NECAB2: variants seen among roughly 807,000 people sequenced by gnomAD.
The protein encoded by NECAB2 is N-terminal EF-hand calcium-binding protein 2.
NECAB2 carries 68 observed loss-of-function variants against 51.9 expected under a neutral mutation model. That is an observed-to-expected ratio of 1.31 (90% CI 1.08 to 1.60). The LOEUF is 1.60. Among genes scored for constraint, NECAB2 ranks in the 40% most tolerant of loss-of-function variants. NECAB2 has a pLI of 0.00. For synonymous variants in NECAB2, 329 were observed against 203.5 expected (o/e 1.62, Z -5.25); for missense variants, 854 against 490.3 (o/e 1.74, Z -7.00).
upstream of NECAB2, among the ~76,000 whole-genome samples, chr16:83,967,598 G>T (rs1414222632): frequency 7.0e-6 from 1 of 143,270 alleles, no homozygotes; most frequent in African/African-American, 2.6e-5. Flanking sequence ...GTGTGTAGGT[G>T]GGTGGATGGA....
chr16:83,981,014 G>C lies in NECAB2; in HGVS notation c.362-16G>C. On this transcript the variant is annotated splice_polypyrimidine_tract_variant and intron_variant, in intron 4 of 12. Transcript: ENST00000305202. ...GCAGGACCTGTGACCCCTGACCTTT[G>C]CCTTTCCTTCCCCAGATTACTTTGT... 1.9e-6 allele frequency: 3 copies of C among 1,613,196 alleles called. No individual in the cohort carries two copies. Among genetic ancestry groups the C allele is most frequent in the Middle Eastern group, 1.6e-4 (1 of 6,062 alleles).
chr16:83,978,883 C>T (rs567262450), intron 3 of NECAB2, among the ~76,000 whole-genome samples: 2 of 152,228 alleles, frequency 1.3e-5, no homozygotes, highest in South Asian at 4.2e-4. Context: ...GCAGCCAGTT[C>T]TCACCCCAAC....
chr16:83,998,901 A>G (rs1310724461), intron 10 of NECAB2, among the ~76,000 whole-genome samples: 1 of 152,188 alleles, frequency 6.6e-6, no homozygotes, highest in African/African-American at 2.4e-5. Flanking sequence ...GGTAAAGCTA[A>G]GGCATGTGGC....
intron 2 of NECAB2, among the ~76,000 whole-genome samples, chr16:83,973,598 A>G (rs1186675587): frequency 1.3e-5 from 2 of 152,024 alleles, no homozygotes; most frequent in Non-Finnish European, 2.9e-5. Context: ...AGGAGGGGAA[A>G]TCAGGGGGCT....
chr16:83,990,724 G>T, intron 6 of NECAB2, 94 bp downstream of exon 6: 1 of 1,516,742 alleles, frequency 6.6e-7, no homozygotes, highest in South Asian at 1.3e-5. Context: ...GTGTACCTAA[G>T]AGCTGGGTGA....
At chr16:83,973,271 G>A (rs2084368503) in intron 2 of NECAB2, among the ~76,000 whole-genome samples, 1 of 152,152 alleles carries the variant, frequency 6.6e-6, no homozygotes, top group South Asian at 2.1e-4. Context: ...TCTGGCCTGG[G>A]TCTCCAGCAC....
rs74937228 is a variant in NECAB2 at position 83,990,457 on chromosome 16, C to A, written c.460-37C>A. ...ACCCCACCTCCAATTTCCCTCCCAC[C>A]CCTTTCCCCTCAGTGCCTCTTCTCT... is the stretch of plus-strand genomic sequence containing the variant. On this transcript the variant is annotated intron_variant, in intron 5 of 12. Coordinates refer to ENST00000305202, the MANE Select transcript of NECAB2 (RefSeq NM_019065.3). The A allele has an allele frequency of 9.8e-4, 1,584 of 1,609,132 alleles. 23 individuals are homozygous for A. The African/African-American group carries it at 0.019, about 19-fold the overall frequency.
chr16:83,999,719 G>C (rs116669805), intron 10 of NECAB2, among the ~76,000 whole-genome samples: 2 of 152,178 alleles, frequency 1.3e-5, no homozygotes, highest in African/African-American at 4.8e-5. Context: ...ATAGAGCAAT[G>C]GGGGACTTGC....
At position 83,997,279 on chromosome 16, in the gene NECAB2, C is replaced by T. The variant is rs201360262; in HGVS notation, c.849+10C>T. On this transcript the variant is annotated intron_variant, in intron 9 of 12. Coordinates refer to ENST00000305202, the MANE Select transcript of NECAB2 (RefSeq NM_019065.3). ...AGATGGCACCAACATGGTGAGGCCC[C>T]TTCCCACCTCTCTTCTGGGACCACA... The T allele has an allele frequency of 8.6e-5, 138 of 1,613,962 alleles. No homozygotes were observed. In the Middle Eastern group the frequency reaches 1.5e-3, roughly 17 times the overall value.
At chr16:83,989,098 A>C (rs1262654509) in intron 5 of NECAB2, among the ~76,000 whole-genome samples, 2 of 152,130 alleles carry the variant, frequency 1.3e-5, no homozygotes, top group Non-Finnish European at 2.9e-5. Flanking sequence ...TCTGCTGATC[A>C]CTTCTAGCAG....
At chr16:83,989,374 C>T (rs1288223046) in intron 5 of NECAB2, among the ~76,000 whole-genome samples, 1 of 152,218 alleles carries the variant, frequency 6.6e-6, no homozygotes, top group Non-Finnish European at 1.5e-5. Context: ...GCTGTCTTCT[C>T]ATGTGCCCCT....
At position 84,002,711 on chromosome 16, in the gene NECAB2, T is replaced by G. The variant is rs986941167; in HGVS notation, c.*365T>G. The stretch of plus-strand genomic sequence containing the variant: ...CTACCTAGTAGGAGTCATGCCCCTG[T>G]AGTGCCCAACCTAGCCAGGTAGCCA... On this transcript the variant is annotated 3_prime_UTR_variant, in exon 13 of 13. Transcript: ENST00000305202. The G allele has an allele frequency of 3.4e-6, 1 of 294,794 alleles. No homozygotes were observed. Among genetic ancestry groups the G allele is most frequent in the Non-Finnish European group, 6.5e-6 (1 of 153,990 alleles). The allele number at this position is 294,794 out of a possible 1,614,324, so 18.3% of individuals were successfully genotyped here. A position where few individuals can be genotyped will look rare whatever the true frequency, so the allele number is the denominator to read the frequency against.
At chr16:83,985,918 C>G (rs1469260154) in intron 5 of NECAB2, among the ~76,000 whole-genome samples, 1 of 152,114 alleles carries the variant, frequency 6.6e-6, no homozygotes, top group Non-Finnish European at 1.5e-5. Context: ...GCTATCCTTT[C>G]TTCGTTATGA....
intron 9 of NECAB2, 74 bp downstream of exon 9, chr16:83,997,343 C>T (rs1567677886): frequency 3.1e-6 from 5 of 1,587,518 alleles, no homozygotes; most frequent in East Asian, 2.2e-5. Context: ...CCAAGTGGCT[C>T]AATGCCCCTG....
intron 1 of NECAB2, 36 bp from the exon 2 acceptor site, chr16:83,972,115 C>T (rs1308536620): frequency 6.2e-7 from 1 of 1,612,722 alleles, no homozygotes; most frequent in Non-Finnish European, 8.5e-7. Context: ...TTGCCTCTCC[C>T]TGGCCCAGGG....
upstream of NECAB2, chr16:83,965,317 G>T: frequency 6.3e-7 from 1 of 1,584,052 alleles, no homozygotes. Context: ...CCACAGGCAC[G>T]TTCGACAGCC....
rs753984133 is a variant in NECAB2 at position 83,994,732 on chromosome 16, G to A, written c.795+44G>A. The A allele has an allele frequency of 4.4e-6, 7 of 1,602,922 alleles. No individual in the cohort carries two copies. In the Admixed American group the frequency reaches 1.2e-4, roughly 27 times the overall value. ...ACGGCGTCTACTCCTTCCAACCCCTGAGGGAGTGCAGAGTTAAGCCTGGAG... is the reference window on the plus strand; with the variant it reads ...ACGGCGTCTACTCCTTCCAACCCCTAAGGGAGTGCAGAGTTAAGCCTGGAG... On this transcript the variant is annotated intron_variant, in intron 8 of 12. Coordinates refer to ENST00000305202, the MANE Select transcript of NECAB2 (RefSeq NM_019065.3).
At chr16:83,990,742 C>CAAGTT in intron 6 of NECAB2, 112 bp downstream of exon 6, 1 of 1,381,624 alleles carries the variant, frequency 7.2e-7, no homozygotes, top group Non-Finnish European at 9.7e-7. Context: ...TGACCTTGGG[C>CAAGTT]AAGTTGCCAC....
At chr16:83,999,480 C>G (rs528880835) in intron 10 of NECAB2, among the ~76,000 whole-genome samples, 1 of 152,296 alleles carries the variant, frequency 6.6e-6, no homozygotes, top group South Asian at 2.1e-4. Flanking sequence ...GATTCTACTT[C>G]CCAGGCATGG....
Sources: gnomAD v4.1 joint callset for allele counts (sites outside exome capture counted in the v4.1 genomes callset) on GRCh38, gnomAD v4.1.1 for gene constraint, MANE v1.5 for transcripts, NCBI Gene and HGNC (gene_info 2026-07-23, HGNC 2026-07-21) for gene names.